Variants in ITPR2 observed in about 807,000 individuals in gnomAD.
The protein encoded by ITPR2 is inositol 1,4,5-trisphosphate-gated calcium channel ITPR2.
Under a neutral mutation model 317.1 loss-of-function variants are expected in ITPR2, and 207 were observed. That is an observed-to-expected ratio of 0.65 (90% CI 0.58 to 0.73). The LOEUF (loss-of-function observed/expected upper bound fraction) is 0.73. ITPR2 is among the 30% of genes least tolerant of loss of function. The pLI is 0.00. For synonymous variants in ITPR2, 1,156 were observed against 1,149.1 expected, an observed-to-expected ratio of 1.01 and a Z score of -0.12; for missense variants, 2,613 against 3,284.0, an observed-to-expected ratio of 0.80 and a Z score of 4.99.
At chr12:26,621,351 T>C in intron 25 of ITPR2, 55 bp from the exon 26 acceptor site, 1 of 1,396,456 alleles carries the variant, frequency 7.2e-7, no homozygotes, top group Non-Finnish European at 9.9e-7. Context: ...AGAATATTTA[T>C]GAATATTTTA....
At chr12:26,708,667 A>T (rs1948597626) in intron 9 of ITPR2, among the ~76,000 whole-genome samples, 1 of 152,178 alleles carries the variant, frequency 6.6e-6, no homozygotes, top group Non-Finnish European at 1.5e-5. Context: ...AGTTCGACAG[A>T]AGGAGTAAGA....
intron 21 of ITPR2, among the ~76,000 whole-genome samples, chr12:26,642,560 G>A (rs1292028227): frequency 6.6e-6 from 1 of 152,198 alleles, no homozygotes; most frequent in East Asian, 1.9e-4. Context: ...GGAGCTGTGA[G>A]CAATAAATTT....
At chr12:26,418,134 T>C (rs1464112986) in intron 50 of ITPR2, among the ~76,000 whole-genome samples, 4 of 152,140 alleles carry the variant, frequency 2.6e-5, no homozygotes, top group Non-Finnish European at 4.4e-5. Context: ...ATATGGAAAA[T>C]TGGCCTCATT....
At chr12:26,811,805 G>GCTC (rs1351466466) in intron 1 of ITPR2, among the ~76,000 whole-genome samples, 20 of 145,160 alleles carry the variant, frequency 1.4e-4, no homozygotes, top group South Asian at 4.4e-4. Flanking sequence ...AGTGAGCCGA[G>GCTC]ATCGCACCAC....
chr12:26,516,260 AGGAAAGGAAAGGAAG>A (rs1473019159), intron 37 of ITPR2, among the ~76,000 whole-genome samples: 3,085 of 54,020 alleles, frequency 0.057, 463 homozygotes, highest in South Asian at 0.08. Context: ...AGGAAAGGAA[AGGAAAGGAAAGGAAG>A]GGAAGGGAAG....
chr12:26,491,983 T>A (rs945134374), intron 39 of ITPR2, among the ~76,000 whole-genome samples: 1 of 152,086 alleles, frequency 6.6e-6, no homozygotes, highest in Non-Finnish European at 1.5e-5. Context: ...ACAGTAAACG[T>A]TAAAGGTGTG....
chr12:26,508,074 T>C (rs1291809712), intron 37 of ITPR2, among the ~76,000 whole-genome samples: 1 of 152,178 alleles, frequency 6.6e-6, no homozygotes, highest in East Asian at 1.9e-4. Context: ...GCACATCTCT[T>C]TTCTGCTTTA....
chr12:26,673,086 T>C (rs1196851250), intron 13 of ITPR2, among the ~76,000 whole-genome samples: 2 of 152,186 alleles, frequency 1.3e-5, no homozygotes, highest in East Asian at 1.9e-4. Context: ...CAGGACCAGA[T>C]GGATTCACAG....
At chr12:26,796,759 G>A (rs1180314072) in intron 1 of ITPR2, among the ~76,000 whole-genome samples, 1 of 152,210 alleles carries the variant, frequency 6.6e-6, no homozygotes, top group East Asian at 1.9e-4. Flanking sequence ...GCCAGGCGTG[G>A]CAGCTCACAC....
chr12:26,689,172 T>C (rs1476647291), intron 10 of ITPR2, among the ~76,000 whole-genome samples: 2 of 152,178 alleles, frequency 1.3e-5, no homozygotes, highest in African/African-American at 2.4e-5. Context: ...ATCCTAGCAC[T>C]TTGGGAGGCC....
At chr12:26,673,283 CA>C (rs1250572510) in intron 13 of ITPR2, among the ~76,000 whole-genome samples, 4 of 152,034 alleles carry the variant, frequency 2.6e-5, no homozygotes. Flanking sequence ...AACATTGATG[CA>C]AAAATCCTCA....
At chr12:26,402,114 G>C (rs1591992474) in intron 52 of ITPR2, among the ~76,000 whole-genome samples, 4 of 152,182 alleles carry the variant, frequency 2.6e-5, no homozygotes, top group Admixed American at 6.5e-5. Flanking sequence ...GACCAAGGGT[G>C]GGGGAAGCTC....
At chr12:26,739,960 T>C (rs1949202421) in intron 2 of ITPR2, among the ~76,000 whole-genome samples, 1 of 152,204 alleles carries the variant, frequency 6.6e-6, no homozygotes, top group South Asian at 2.1e-4. Flanking sequence ...TTTGGTTTGC[T>C]TGGCATGTGG....
At chr12:26,826,250 T>C (rs545477040) in intron 1 of ITPR2, among the ~76,000 whole-genome samples, 2 of 151,550 alleles carry the variant, frequency 1.3e-5, no homozygotes, top group South Asian at 2.1e-4. Flanking sequence ...AAAAGTCCTA[T>C]TGAGGAAAAT....
intron 1 of ITPR2, among the ~76,000 whole-genome samples, chr12:26,813,757 C>T (rs1252233116): frequency 6.6e-6 from 1 of 152,166 alleles, no homozygotes; most frequent in Non-Finnish European, 1.5e-5. Context: ...GAAGTGTACG[C>T]CACCTGAAAG....
At chr12:26,427,579 T>G (rs183517697) in intron 49 of ITPR2, among the ~76,000 whole-genome samples, 1 of 152,178 alleles carries the variant, frequency 6.6e-6, no homozygotes, top group Non-Finnish European at 1.5e-5. Context: ...ATTTACGATG[T>G]CACTTTGGAA....
chr12:26,410,579 T>C (rs1275383727), intron 52 of ITPR2, among the ~76,000 whole-genome samples: 1 of 152,212 alleles, frequency 6.6e-6, no homozygotes, highest in Admixed American at 6.5e-5. Context: ...AACTTTGCCC[T>C]CTGTAGATAC....
intron 13 of ITPR2, among the ~76,000 whole-genome samples, chr12:26,672,788 T>C (rs1165293934): frequency 2.0e-5 from 3 of 151,792 alleles, no homozygotes; most frequent in African/African-American, 7.3e-5. Flanking sequence ...ATCAACAAAA[T>C]TGATAGACTG....
intron 55 of ITPR2, among the ~76,000 whole-genome samples, chr12:26,346,904 T>C (rs1482451349): frequency 6.6e-6 from 1 of 152,106 alleles, no homozygotes; most frequent in Non-Finnish European, 1.5e-5. Context: ...AGCTATGATG[T>C]AAAGACAGCT....
Sources: gnomAD v4.1 joint callset for allele counts (sites outside exome capture counted in the v4.1 genomes callset) on GRCh38, gnomAD v4.1.1 for gene constraint, MANE v1.5 for transcripts, NCBI Gene and HGNC (gene_info 2026-07-23, HGNC 2026-07-21) for gene names.